The following SUMF1 variants were observed in gnomAD, a reference collection of about 807,000 sequenced individuals.
SUMF1 encodes formylglycine-generating enzyme.
In SUMF1, 48 loss-of-function variants were observed where a neutral mutation model predicts 47.6. The ratio of observed to expected loss-of-function variants is 1.01; its 90% confidence interval spans 0.80 to 1.28. The LOEUF (loss-of-function observed/expected upper bound fraction) is 1.28. Ranked by LOEUF, SUMF1 falls within the 50% of genes most tolerant of loss-of-function variation. The probability of loss-of-function intolerance (pLI) is 0.00; values close to 1 mark genes in which losing one functional copy is unlikely to be tolerated. For synonymous variants in SUMF1, 230 were observed against 192.1 expected (o/e 1.20, Z -1.63); for missense variants, 571 against 485.4 (o/e 1.18, Z -1.66).
chr3:4,034,672 C>T (rs1574836473), intron 9 of SUMF1, among the ~76,000 whole-genome samples: 2 of 151,932 alleles, frequency 1.3e-5, no homozygotes, highest in South Asian at 2.1e-4. Context: ...GCAAATATTC[C>T]GTGGCAGGCT....
At chr3:4,277,542 A>G (rs956075023) in intron 8 of SUMF1, among the ~76,000 whole-genome samples, 2 of 152,122 alleles carry the variant, frequency 1.3e-5, no homozygotes, top group Non-Finnish European at 2.9e-5. Context: ...GGAGACAGGA[A>G]AGACAGGGAT....
intron 3 of SUMF1, among the ~76,000 whole-genome samples, chr3:4,422,327 G>A (rs1235920162): frequency 6.6e-6 from 1 of 151,834 alleles, no homozygotes; most frequent in Non-Finnish European, 1.5e-5. Context: ...ACTCTACCCT[G>A]TCCCCAACAC....
At chr3:4,099,316 CAATA>C (rs1180694979) in intron 8 of SUMF1, among the ~76,000 whole-genome samples, 2 of 152,066 alleles carry the variant, frequency 1.3e-5, no homozygotes, top group African/African-American at 4.8e-5. Flanking sequence ...ATACATAAAT[CAATA>C]AATGTGATCC....
chr3:4,177,406 C>T (rs962441741), intron 8 of SUMF1, among the ~76,000 whole-genome samples: 2 of 152,252 alleles, frequency 1.3e-5, no homozygotes. Flanking sequence ...CGCACAACTA[C>T]ATGGAAATTG....
In SUMF1 at chr3:4,378,557, C is replaced by T. The variant is rs116505455; in HGVS notation, c.955-2168G>A. Among the ~76,000 whole-genome samples, 402 of 152,292 alleles carry T rather than the reference C, an allele frequency of 2.6e-3. 4 individuals are homozygous for T. The highest frequency in any genetic ancestry group is 9.2e-3 in the African/African-American group (381 of 41,558). ...TAATTACAAACAGGCACACTGCAAACGTGAAAAGCTACGTGTCAAAATAAT... is the reference window on the plus strand; with the variant it reads ...TAATTACAAACAGGCACACTGCAAATGTGAAAAGCTACGTGTCAAAATAAT... On this transcript the variant is annotated intron_variant, in intron 7 of 8. Transcript: ENST00000272902.
At chr3:4,124,072 G>C (rs191150091) in intron 8 of SUMF1, among the ~76,000 whole-genome samples, 13 of 152,246 alleles carry the variant, frequency 8.5e-5, no homozygotes, top group Admixed American at 5.9e-4. Flanking sequence ...TAAAACAAGA[G>C]GTTGTGAATA....
intron 2 of SUMF1, among the ~76,000 whole-genome samples, chr3:4,452,073 A>C (rs892394467): frequency 2.6e-5 from 4 of 152,200 alleles, no homozygotes; most frequent in African/African-American, 7.2e-5. Context: ...TTTTACTTTA[A>C]ACATTCACTC....
intron 1 of SUMF1, among the ~76,000 whole-genome samples, chr3:4,464,806 T>C (rs2079900424): frequency 6.6e-6 from 1 of 152,218 alleles, no homozygotes; most frequent in African/African-American, 2.4e-5. Flanking sequence ...GTTTCAGTCA[T>C]TAAGTTCAGC....
At chr3:4,400,539 C>T (rs532995347) in intron 7 of SUMF1, among the ~76,000 whole-genome samples, 2 of 152,278 alleles carry the variant, frequency 1.3e-5, no homozygotes, top group African/African-American at 2.4e-5. Context: ...ATCTGGTCTA[C>T]TAAACAACAA....
intron 8 of SUMF1, among the ~76,000 whole-genome samples, chr3:4,165,558 T>A (rs1326880723): frequency 6.6e-6 from 1 of 152,090 alleles, no homozygotes; most frequent in Non-Finnish European, 1.5e-5. Flanking sequence ...TTGTGGATTA[T>A]CTTTCAATGA....
intron 3 of SUMF1, among the ~76,000 whole-genome samples, chr3:4,444,606 G>C (rs1161970597): frequency 6.6e-6 from 1 of 152,154 alleles, no homozygotes; most frequent in Non-Finnish European, 1.5e-5. Flanking sequence ...TGTAACCTGG[G>C]ATAAAATAAA....
chr3:4,324,015 C>A (rs1472645474), intron 8 of SUMF1, among the ~76,000 whole-genome samples: 1 of 151,964 alleles, frequency 6.6e-6, no homozygotes, highest in Non-Finnish European at 1.5e-5. Context: ...GATACTGGTT[C>A]TTTATATTAC....
chr3:4,102,133 C>A (rs898177761), intron 8 of SUMF1, among the ~76,000 whole-genome samples: 1 of 152,168 alleles, frequency 6.6e-6, no homozygotes, highest in Admixed American at 6.5e-5. Context: ...ACGGGAACTA[C>A]AATTCAACAT....
At chr3:4,394,162 A>G (rs944062233) in intron 7 of SUMF1, among the ~76,000 whole-genome samples, 2 of 151,974 alleles carry the variant, frequency 1.3e-5, no homozygotes, top group African/African-American at 4.8e-5. Flanking sequence ...ACAGTCACAT[A>G]CTGAAGTGCT....
At chr3:4,315,094 AC>A (rs1698582832) in intron 8 of SUMF1, among the ~76,000 whole-genome samples, 1 of 152,190 alleles carries the variant, frequency 6.6e-6, no homozygotes, top group Admixed American at 6.5e-5. Context: ...AACAAATGGT[AC>A]TAGAGTACAC....
intron 8 of SUMF1, among the ~76,000 whole-genome samples, chr3:4,087,281 G>A (rs1692692520): frequency 6.6e-6 from 1 of 152,144 alleles, no homozygotes; most frequent in Admixed American, 6.5e-5. Flanking sequence ...ATGGAGCTGG[G>A]CAAGTTATAA....
intron 8 of SUMF1, among the ~76,000 whole-genome samples, chr3:4,299,601 G>C (rs566158864): frequency 3.5e-4 from 53 of 152,186 alleles, no homozygotes; most frequent in Non-Finnish European, 6.3e-4. Flanking sequence ...TTGAGGTCAG[G>C]AGTTTGAGAC....
chr3:4,426,648 T>A (rs1410896644), intron 3 of SUMF1, among the ~76,000 whole-genome samples: 1 of 152,210 alleles, frequency 6.6e-6, no homozygotes, highest in Non-Finnish European at 1.5e-5. Flanking sequence ...TAATTCCTTT[T>A]AACAGGAATA....
chr3:4,302,920 G>A (rs926862341), intron 8 of SUMF1, among the ~76,000 whole-genome samples: 15 of 152,296 alleles, frequency 9.8e-5, no homozygotes, highest in South Asian at 2.1e-4. Flanking sequence ...AAGGCACCCT[G>A]TGAGGCTATC....
Sources: allele counts gnomAD v4.1 joint callset (sites outside exome capture counted in the v4.1 genomes callset), GRCh38; gene constraint gnomAD v4.1.1; transcripts MANE v1.5; gene names NCBI Gene and HGNC (gene_info 2026-07-23, HGNC 2026-07-21).